The following ODR4 variants were observed in gnomAD, a reference collection of about 807,000 sequenced individuals.
ODR4 encodes the protein odr-4 GPCR localization factor homolog.
Under a neutral mutation model 60.2 loss-of-function variants are expected in ODR4, and 47 were observed. The ratio of observed to expected loss-of-function variants is 0.78; its 90% CI spans 0.62 to 1.00. ODR4 has a LOEUF of 1.00. ODR4 is among the 50% of genes least tolerant of loss of function. The probability of loss-of-function intolerance (pLI) is 0.00; values close to 1 mark genes in which losing one functional copy is unlikely to be tolerated. For missense variants in ODR4, 488 were observed against 530.8 expected (o/e 0.92, Z 0.79); for synonymous variants, 178 against 175.5 (o/e 1.01, Z -0.11).
chr1:186,386,207 T>G, intron 4 of ODR4, 124 bp downstream of exon 4: 1 of 550,026 alleles, frequency 1.8e-6, no homozygotes, highest in Non-Finnish European at 3.0e-6. Context: ...TTGTTGGGGT[T>G]ACATTGAAAA....
At chr1:186,416,056 G>A (rs1036507770) in intron 12 of ODR4, among the ~76,000 whole-genome samples, 7 of 151,962 alleles carry the variant, frequency 4.6e-5, no homozygotes, top group Admixed American at 2.6e-4. Flanking sequence ...TTTGTGAGCC[G>A]CATAAGGTCT....
chr1:186,410,217 G>A (rs1661321915), intron 12 of ODR4, among the ~76,000 whole-genome samples: 1 of 152,130 alleles, frequency 6.6e-6, no homozygotes, highest in Non-Finnish European at 1.5e-5. Context: ...GTACAGACAA[G>A]GTTTTTAAGA....
In ODR4 at chr1:186,382,965, T is replaced by A. The variant is rs1412579615; in HGVS notation, c.100-57T>A. 5.3e-6 allele frequency: 8 copies of A among 1,520,864 alleles called. No homozygotes were observed. In the East Asian group the frequency reaches 1.9e-4, roughly 36 times the overall value. The allele number at this position is 1,520,864 out of a possible 1,614,324, so 94.2% of individuals were successfully genotyped here. On this transcript the variant is annotated intron_variant, in intron 2 of 13. Coordinates refer to ENST00000287859, the MANE Select transcript of ODR4 (RefSeq NM_017847.6). ...AAGCTAAGGAATTTAGGTATCACTC[T>A]AATTAGATTGAGGAATCAGATATCA...
intron 9 of ODR4, among the ~76,000 whole-genome samples, chr1:186,397,264 A>C (rs544412748): frequency 6.6e-6 from 1 of 152,218 alleles, no homozygotes; most frequent in Non-Finnish European, 1.5e-5. Context: ...TCCTGATTGC[A>C]TAAGCACATA....
chr1:186,431,999 A>G, the ODR4 span, among the ~76,000 whole-genome samples: 1 of 152,112 alleles, frequency 6.6e-6, no homozygotes, highest in African/African-American at 2.4e-5. Flanking sequence ...TCAGTTTCAT[A>G]GTTTTTGAGG....
At chr1:186,397,682 C>T (rs1660756786) in intron 9 of ODR4, among the ~76,000 whole-genome samples, 1 of 152,126 alleles carries the variant, frequency 6.6e-6, no homozygotes, top group South Asian at 2.1e-4. Context: ...TAGGGATGCT[C>T]AACCTGTAGT....
chr1:186,382,017 A>G (rs894989301), intron 2 of ODR4, among the ~76,000 whole-genome samples: 4 of 152,060 alleles, frequency 2.6e-5, no homozygotes, highest in African/African-American at 9.7e-5. Flanking sequence ...CTTTTTTTAT[A>G]GGAAACTTTC....
At chr1:186,413,035 G>A (rs933630889) in intron 12 of ODR4, among the ~76,000 whole-genome samples, 1 of 151,874 alleles carries the variant, frequency 6.6e-6, no homozygotes, top group South Asian at 2.1e-4. Context: ...TCAAAAATTG[G>A]AATCAATTAC....
chr1:186,427,618 C>T, the ODR4 span, among the ~76,000 whole-genome samples: 1 of 152,214 alleles, frequency 6.6e-6, no homozygotes, highest in African/African-American at 2.4e-5. Flanking sequence ...GATATTTTCA[C>T]CTGCTTCCAT....
At chr1:186,412,714 G>A (rs1661419909) in intron 12 of ODR4, among the ~76,000 whole-genome samples, 1 of 151,908 alleles carries the variant, frequency 6.6e-6, no homozygotes, top group Non-Finnish European at 1.5e-5. Context: ...ATAATGTCCA[G>A]GAGTCCAGGC....
Position 186,382,031 on chromosome 1 carries a change from G to C in ODR4, c.100-991G>C, listed in dbSNP as rs113092484. Among the ~76,000 whole-genome samples the C allele has an allele frequency of 6.8e-3, 1,034 of 152,132 alleles. 18 individuals are homozygous for C. Among genetic ancestry groups the C allele is most frequent in the African/African-American group, 0.024 (997 of 41,506 alleles). On this transcript the variant is annotated intron_variant, in intron 2 of 13. Transcript: ENST00000287859. The stretch of plus-strand genomic sequence containing the variant: ...TCTTTTTTTATAGGAAACTTTCACT[G>C]TAGTGAAACTGAGCTATTGAATGTT...
At chr1:186,429,233 C>A in the ODR4 span, among the ~76,000 whole-genome samples, 1 of 151,578 alleles carries the variant, frequency 6.6e-6, no homozygotes, top group South Asian at 2.1e-4. Context: ...CCTGAGTGCA[C>A]ACACTGAGCC....
chr1:186,410,009 A>T (rs1661312048), intron 12 of ODR4, among the ~76,000 whole-genome samples: 3 of 152,220 alleles, frequency 2.0e-5, no homozygotes, highest in Admixed American at 6.5e-5. Flanking sequence ...CATCAATTGC[A>T]TATTTAATGT....
Position 186,379,771 on chromosome 1 carries a change from T to C in ODR4, c.-15T>C, listed in dbSNP as rs754532469. ...TCTTTTCTTCTTGTGATATAGGAGA[T>C]TTTAGTTCCTAAAAATGGGAAGAAC... On this transcript the variant is annotated 5_prime_UTR_variant, in exon 2 of 14. Coordinates refer to ENST00000287859, the MANE Select transcript of ODR4 (RefSeq NM_017847.6). 16 of 1,510,206 alleles carry C rather than the reference T, an allele frequency of 1.1e-5. No homozygotes were observed. The highest frequency in any genetic ancestry group is 1.4e-5 in the Non-Finnish European group (16 of 1,109,230). The allele number at this position is 1,510,206 out of a possible 1,614,324, so 93.6% of individuals were successfully genotyped here.
chr1:186,433,846 T>C, the ODR4 span, among the ~76,000 whole-genome samples: 1 of 152,200 alleles, frequency 6.6e-6, no homozygotes. Context: ...CCCAAAGTGC[T>C]GGGATTATAG....
chr1:186,424,972 GA>G (rs61156981), downstream of ODR4, among the ~76,000 whole-genome samples: 19,309 of 127,544 alleles, frequency 0.15, 1,291 homozygotes, highest in Middle Eastern at 0.22. Flanking sequence ...CTAGATTAAA[GA>G]AAAAAAAAAA....
downstream of ODR4, among the ~76,000 whole-genome samples, chr1:186,421,828 C>G (rs1434540476): frequency 6.9e-6 from 1 of 144,860 alleles, no homozygotes; most frequent in East Asian, 2.1e-4. Flanking sequence ...CACCACTGCA[C>G]TCCAGCCTGG....
At chr1:186,405,601 G>A (rs1661142527) in intron 11 of ODR4, among the ~76,000 whole-genome samples, 1 of 152,134 alleles carries the variant, frequency 6.6e-6, no homozygotes, top group African/African-American at 2.4e-5. Flanking sequence ...TGCCCAGGCT[G>A]GAGTGCAGTG....
intron 12 of ODR4, among the ~76,000 whole-genome samples, chr1:186,416,110 A>G (rs1661555438): frequency 1.3e-5 from 2 of 152,328 alleles, no homozygotes; most frequent in South Asian, 4.1e-4. Context: ...TATGAAAAAC[A>G]GATTTTTAGT....
Sources: allele counts gnomAD v4.1 joint callset (sites outside exome capture counted in the v4.1 genomes callset), GRCh38; gene constraint gnomAD v4.1.1; transcripts MANE v1.5; gene names NCBI Gene and HGNC (gene_info 2026-07-23, HGNC 2026-07-21).